Variants in UGT1A6 observed in about 807,000 individuals in gnomAD.
UGT1A6 encodes the protein UDP glucuronosyltransferase family 1 member A6, also known as UDP-glucuronosyltransferase 1A6.
A neutral mutation model predicts 44.4 loss-of-function variants in UGT1A6; 32 were observed. The ratio of observed to expected loss-of-function variants is 0.72; its 90% CI spans 0.54 to 0.97. UGT1A6 has a LOEUF of 0.97. Ranked by LOEUF, UGT1A6 falls within the 50% of genes least tolerant of loss-of-function variation. The pLI is 0.00. For synonymous variants in UGT1A6, 238 were observed against 248.5 expected, an observed-to-expected ratio of 0.96 and a Z score of 0.40; for missense variants, 685 against 661.9, an observed-to-expected ratio of 1.03 and a Z score of -0.38.
intron 1 of UGT1A6, among the ~76,000 whole-genome samples, chr2:233,745,836 TTTC>T (rs746165208): frequency 1.3e-4 from 19 of 151,248 alleles, no homozygotes; most frequent in Admixed American, 7.2e-4. Flanking sequence ...GACTCTGAAT[TTTC>T]TTCTGTGCCC....
At chr2:233,731,192 A>G (rs1451773849) in intron 1 of UGT1A6, among the ~76,000 whole-genome samples, 1 of 152,106 alleles carries the variant, frequency 6.6e-6, no homozygotes, top group African/African-American at 2.4e-5. Context: ...GTAATTATTC[A>G]ATTATAAAAT....
At chr2:233,725,607 T>C (rs2077462497) in intron 1 of UGT1A6, among the ~76,000 whole-genome samples, 1 of 152,174 alleles carries the variant, frequency 6.6e-6, no homozygotes, top group African/African-American at 2.4e-5. Context: ...TAGTTTTTTC[T>C]TGCTAAGTCT....
chr2:233,755,835 G>A (rs1438571974), intron 1 of UGT1A6: 4 of 152,284 alleles, frequency 2.6e-5, no homozygotes, highest in Non-Finnish European at 5.9e-5. Context: ...TATTCATTGG[G>A]CAATTTAAGA....
In UGT1A6 at chr2:233,772,298, C is replaced by G; in HGVS notation, c.1338C>G (p.His446Gln). ...KENIMRLSSL[H>Q]KDRPVEPLDL... ...ACATCATGCGCCTCTCCAGCCTTCACAAGGACCGCCCGGTGGAGCCGCTGG... is the reference window on the plus strand; with the variant it reads ...ACATCATGCGCCTCTCCAGCCTTCAGAAGGACCGCCCGGTGGAGCCGCTGG... The change falls in exon 5 of 5, where the codon CAC becomes CAG. Residue 446 changes from histidine (H) to glutamine (Q), a missense_variant. By Grantham distance (24) the His-to-Gln change is conservative. Coordinates refer to ENST00000305139, the MANE Select transcript of UGT1A6 (RefSeq NM_001072.4). The G allele has an allele frequency of 1.9e-6, 3 of 1,614,234 alleles. No homozygotes were observed. The highest frequency in any genetic ancestry group is 8.5e-7 in the Non-Finnish European group (1 of 1,180,048).
At chr2:233,743,662 G>A (rs34622615) in intron 1 of UGT1A6, 13 of 1,367,072 alleles carry the variant, frequency 9.5e-6, no homozygotes, top group African/African-American at 1.5e-5. Context: ...ACTCGAAGGG[G>A]TCCTCGAAGG....
rs145239529 is a variant in UGT1A6, at chr2:233,769,464, CGT to C, written c.1301+1039_1301+1040del. ...GGGTGCACACGTGTGCATTCATATGCGTGTGTGTGTGTGTGCGTGTGTTTATG... is the reference window on the plus strand; with the variant it reads ...GGGTGCACACGTGTGCATTCATATGCGTGTGTGTGTGTGCGTGTGTTTATG... On this transcript the variant is annotated intron_variant, in intron 4 of 4. Transcript: ENST00000305139. The surrounding 1 kb of genome is among the most constrained non-coding windows in gnomAD (Gnocchi z 4.4). 2,957 of 1,414,482 alleles carry C rather than the reference CGT, an allele frequency of 2.1e-3. No individual in the cohort carries two copies. Among genetic ancestry groups the C allele is most frequent in the Admixed American group, 4.4e-3 (235 of 53,304 alleles). The allele number at this position is 1,414,482 out of a possible 1,614,324, so 87.6% of individuals were successfully genotyped here. A position where few individuals can be genotyped will look rare whatever the true frequency, so the allele number is the denominator to read the frequency against.
chr2:233,731,351 A>G (rs2078148084), intron 1 of UGT1A6, among the ~76,000 whole-genome samples: 1 of 151,002 alleles, frequency 6.6e-6, no homozygotes, highest in African/African-American at 2.4e-5. Flanking sequence ...TTTGATACAT[A>G]GGTATACATG....
chr2:233,704,888 CT>C lies in UGT1A6; in HGVS notation c.861+11026del, dbSNP rs1342993074. On this transcript the variant is annotated intron_variant, in intron 1 of 4. Transcript: ENST00000305139. ...GTGGCTCACTCCTGTAATCCCAGCA[CT>C]TTGGAAGGCTGAGGCAGGTGGATCA... Among the ~76,000 whole-genome samples the C allele has an allele frequency of 1.2e-4, 18 of 152,168 alleles. No individual in the cohort carries two copies. The East Asian group carries it at 3.5e-3, about 29-fold the overall frequency.
At position 233,718,809 on chromosome 2, in the gene UGT1A6, G is replaced by T. The variant is rs747487357; in HGVS notation, c.861+24944G>T. The T allele has an allele frequency of 3.7e-5, 60 of 1,613,336 alleles. 1 individual carries two copies. The highest frequency in any genetic ancestry group is 1.5e-4 in the African/African-American group (11 of 75,040). On this transcript the variant is annotated intron_variant, in intron 1 of 4. Transcript: ENST00000305139. ...TGGGGTGGACAGTCAGCTGTCGGTG[G>T]CTTCTGCTGAGATGGCCAGAGGACT...
rs1319109473 is a variant in UGT1A6, at chr2:233,724,136, C to T, written c.861+30271C>T. On this transcript the variant is annotated intron_variant, in intron 1 of 4. Coordinates refer to ENST00000305139, the MANE Select transcript of UGT1A6 (RefSeq NM_001072.4). ...GCAGAGGCGCCCCTCACCTCCCGGA[C>T]GGGGCGGCTGGCCGGGTGGGGGGGC... Among the ~76,000 whole-genome samples, 110 of 111,694 alleles carry T rather than the reference C, an allele frequency of 9.8e-4. 3 individuals carry two copies. Among genetic ancestry groups the T allele is most frequent in the Middle Eastern group, 4.2e-3 (1 of 236 alleles). 73.3% of individuals were successfully genotyped at this position (111,694 alleles called of 152,430 possible).
At chr2:233,700,589 G>GAT (rs2075574191) in intron 1 of UGT1A6, among the ~76,000 whole-genome samples, 2 of 152,036 alleles carry the variant, frequency 1.3e-5, no homozygotes. Flanking sequence ...AATTTATTAT[G>GAT]ATACAATTCA....
chr2:233,772,248 G>C lies in UGT1A6; in HGVS notation c.1302-14G>C. 2 of 1,614,220 alleles carry C rather than the reference G, an allele frequency of 1.2e-6. No homozygotes were observed. Among genetic ancestry groups the C allele is most frequent in the Non-Finnish European group, 1.7e-6 (2 of 1,180,034 alleles). ...CAGGTGTTCCAGGCATAACGAAACT[G>C]TCTTTGTGTTTAGTTACAAGGAGAA... On this transcript the variant is annotated splice_polypyrimidine_tract_variant and intron_variant, in intron 4 of 4. Transcript: ENST00000305139.
At chr2:233,743,813 T>G (rs964815042) in intron 1 of UGT1A6, 1 of 1,367,084 alleles carries the variant, frequency 7.3e-7, no homozygotes, top group South Asian at 1.1e-5. Context: ...GTTCTCAGGG[T>G]TTTTGTCGGG....
intron 1 of UGT1A6, chr2:233,755,152 C>G: frequency 1.5e-6 from 2 of 1,299,966 alleles, no homozygotes; most frequent in Non-Finnish European, 2.1e-6. Flanking sequence ...ACCGCTTCCT[C>G]CCTGTCCTCG....
chr2:233,768,630 A>T (rs1213250960), intron 4 of UGT1A6, among the ~76,000 whole-genome samples, 191 bp downstream of exon 4: 3 of 121,000 alleles, frequency 2.5e-5, no homozygotes, highest in African/African-American at 9.7e-5. Flanking sequence ...TCTGTCACCT[A>T]GGCTGGAGTG....
At chr2:233,746,438 T>A (rs1187941624) in intron 1 of UGT1A6, among the ~76,000 whole-genome samples, 3 of 151,694 alleles carry the variant, frequency 2.0e-5, no homozygotes, top group Admixed American at 1.3e-4. Flanking sequence ...TGTCTTCAGC[T>A]TAAAAAGAAA....
intron 1 of UGT1A6, chr2:233,730,074 A>G: frequency 6.2e-7 from 1 of 1,607,274 alleles, no homozygotes; most frequent in African/African-American, 1.3e-5. Context: ...AATTGCTTCC[A>G]TATTTACTTA....
intron 1 of UGT1A6, chr2:233,747,298 G>T: frequency 6.2e-7 from 1 of 1,602,264 alleles, no homozygotes; most frequent in Non-Finnish European, 8.5e-7. Flanking sequence ...GGCTGAGAGT[G>T]GGAAGGTGCT....
At chr2:233,750,188 A>G (rs1694384114) in intron 1 of UGT1A6, among the ~76,000 whole-genome samples, 1 of 151,886 alleles carries the variant, frequency 6.6e-6, no homozygotes, top group Non-Finnish European at 1.5e-5. Context: ...AATGTTGTGG[A>G]CAATGAAGTC....
Sources: gnomAD v4.1 joint callset for allele counts (sites outside exome capture counted in the v4.1 genomes callset) on GRCh38, gnomAD v4.1.1 for gene constraint, Gnocchi (gnomAD v3.1) non-coding constraint, MANE v1.5 for transcripts, NCBI Gene and HGNC (gene_info 2026-07-23, HGNC 2026-07-21) for gene names.